The following SOX6 variants were observed in gnomAD, a reference collection of about 807,000 sequenced individuals.
The protein encoded by SOX6 is SRY-box transcription factor 6, also known as transcription factor SOX-6.
In SOX6, 11 loss-of-function variants were observed where a neutral mutation model predicts 97.8. The ratio of observed to expected loss-of-function variants is 0.11; its 90% CI spans 0.07 to 0.19. The LOEUF (loss-of-function observed/expected upper bound fraction) is 0.19. SOX6 is among the 10% of genes least tolerant of loss of function. The probability of loss-of-function intolerance (pLI) is 1.00; values close to 1 mark genes in which losing one functional copy is unlikely to be tolerated. For missense variants in SOX6, 810 were observed against 1,039.5 expected (o/e 0.78, Z 3.04); for synonymous variants, 360 against 371.4 (o/e 0.97, Z 0.35).
At chr11:16,155,949 C>A (rs1336671468) in intron 6 of SOX6, among the ~76,000 whole-genome samples, 3 of 151,962 alleles carry the variant, frequency 2.0e-5, no homozygotes, top group African/African-American at 7.2e-5. Context: ...TCTTTAAGAC[C>A]AAAGTTCCAG....
chr11:16,246,500 T>C (rs1853339268), intron 3 of SOX6, among the ~76,000 whole-genome samples: 1 of 151,956 alleles, frequency 6.6e-6, no homozygotes, highest in Non-Finnish European at 1.5e-5. Context: ...CAGATGTGAA[T>C]ATTTTTTCTA....
intron 1 of SOX6, among the ~76,000 whole-genome samples, chr11:16,386,907 G>T (rs1051348397): frequency 6.6e-6 from 1 of 151,982 alleles, no homozygotes; most frequent in Non-Finnish European, 1.5e-5. Context: ...ATATATACTT[G>T]GTACTCAATG....
intron 1 of SOX6, among the ~76,000 whole-genome samples, chr11:16,453,872 ATTAC>A (rs1859765053): frequency 6.6e-6 from 1 of 152,282 alleles, no homozygotes; most frequent in Admixed American, 6.5e-5. Flanking sequence ...CATTGCTGAA[ATTAC>A]TTACCGCCTC....
intron 10 of SOX6, among the ~76,000 whole-genome samples, chr11:16,055,384 T>A (rs1847788655): frequency 6.6e-6 from 1 of 152,130 alleles, no homozygotes; most frequent in South Asian, 2.1e-4. Context: ...TCTGGTCCTA[T>A]AAGTTAACTC....
chr11:16,204,817 A>C (rs771909726), intron 4 of SOX6, among the ~76,000 whole-genome samples: 3 of 152,162 alleles, frequency 2.0e-5, no homozygotes, highest in Non-Finnish European at 2.9e-5. Context: ...TTTGACAAAT[A>C]AGAAAGCTGA....
At chr11:16,006,842 G>A (rs924529741) in intron 13 of SOX6, among the ~76,000 whole-genome samples, 2 of 151,986 alleles carry the variant, frequency 1.3e-5, no homozygotes, top group African/African-American at 4.8e-5. Context: ...ATAACAGTAT[G>A]GTGTTATGAG....
rs1451899878 is a variant in SOX6, at chr11:16,132,505, A to AAAGAAAGCAAGCAAGC, written c.778-20583_778-20582insGCTTGCTTGCTTTCTT. 5.9e-3 allele frequency among the ~76,000 whole-genome samples: 511 copies of AAAGAAAGCAAGCAAGC among 86,172 alleles called. 59 individuals carry two copies. The highest frequency in any genetic ancestry group is 8.9e-3 in the Non-Finnish European group (343 of 38,462). The allele number at this position is 86,172 out of a possible 152,430, so 56.5% of individuals were successfully genotyped here. A position where few individuals can be genotyped will look rare whatever the true frequency, so the allele number is the denominator to read the frequency against. Reference sequence around the variant, plus strand: ...GAAAGAAAGAAAGAAAGAAAGAAAGAAAGCTTATCTTTGTATCTAGGAAGA... The same window carrying AAAGAAAGCAAGCAAGC: ...GAAAGAAAGAAAGAAAGAAAGAAAGAAAGAAAGCAAGCAAGCAAGCTTATCTTTGTATCTAGGAAGA... On this transcript the variant is annotated intron_variant, in intron 6 of 15. Coordinates refer to ENST00000683767, the MANE Select transcript of SOX6 (RefSeq NM_001367873.1).
intron 3 of SOX6, among the ~76,000 whole-genome samples, chr11:16,649,156 C>A (rs1002589604): frequency 3.3e-5 from 5 of 152,066 alleles, no homozygotes; most frequent in African/African-American, 1.2e-4. Context: ...ATTGGTATTC[C>A]TGGAGAAGAA....
At chr11:16,660,412 T>C (rs1847757558) in intron 3 of SOX6, among the ~76,000 whole-genome samples, 1 of 152,196 alleles carries the variant, frequency 6.6e-6, no homozygotes, top group Non-Finnish European at 1.5e-5. Context: ...TTTTCCACTA[T>C]CTGTTATTTA....
chr11:16,188,072 T>G (rs1851530460), intron 4 of SOX6, among the ~76,000 whole-genome samples: 1 of 151,876 alleles, frequency 6.6e-6, no homozygotes, highest in Non-Finnish European at 1.5e-5. Context: ...TAATTATGAG[T>G]GGCCTTATTT....
At chr11:16,701,542 C>T (rs908553573) in intron 3 of SOX6, among the ~76,000 whole-genome samples, 1 of 151,966 alleles carries the variant, frequency 6.6e-6, no homozygotes, top group Non-Finnish European at 1.5e-5. Flanking sequence ...ATAAAAATTT[C>T]TCATTTCTTT....
intron 7 of SOX6, among the ~76,000 whole-genome samples, chr11:16,098,995 A>G (rs1848871898): frequency 6.6e-6 from 1 of 151,778 alleles, no homozygotes; most frequent in Middle Eastern, 3.4e-3. Context: ...ACTTTTAACA[A>G]ATTGTTAGCT....
Position 16,242,297 on chromosome 11 carries a change from C to T in SOX6, c.446-7626G>A, listed in dbSNP as rs1006696883. On this transcript the variant is annotated intron_variant, in intron 3 of 15. Transcript: ENST00000683767. Reference sequence around the variant, plus strand: ...CTACAGTGTTTAGTACAGTAACATGCTGCACAGGTTTGTAGCCTAAGATCA... The same window carrying T: ...CTACAGTGTTTAGTACAGTAACATGTTGCACAGGTTTGTAGCCTAAGATCA... Among the ~76,000 whole-genome samples, 93 of 151,958 alleles carry T rather than the reference C, an allele frequency of 6.1e-4. 3 individuals are homozygous for T.
Position 16,014,985 on chromosome 11 carries a change from C to T in SOX6, c.1689G>A (p.Leu563=). ...LTGKSNEDGK[L]GPGVIDLTRP... ...GAGTAAGGTCGATGACACCTGGGCC[C>T]AGTTTTCCATCTTCATTTGACTTTC... The change falls in exon 13 of 16, where the codon CTG becomes CTA. Residue 563 remains leucine, a synonymous_variant. Transcript: ENST00000683767. 6.2e-7 allele frequency: 1 copy of T among 1,612,928 alleles called. No homozygotes were observed. Among genetic ancestry groups the T allele is most frequent in the Non-Finnish European group, 8.5e-7 (1 of 1,179,348 alleles).
At chr11:16,022,809 T>C (rs1855107360) in intron 12 of SOX6, among the ~76,000 whole-genome samples, 3 of 152,186 alleles carry the variant, frequency 2.0e-5, no homozygotes, top group African/African-American at 7.2e-5. Flanking sequence ...TATTCACTAC[T>C]TTTAAGCACT....
At chr11:16,234,522 T>C in intron 4 of SOX6, 60 bp downstream of exon 4, 2 of 995,284 alleles carry the variant, frequency 2.0e-6, no homozygotes, top group South Asian at 2.8e-5. Context: ...GCAAATACAT[T>C]GTTATACAAA....
chr11:16,640,661 T>G (rs1461497052), intron 3 of SOX6, among the ~76,000 whole-genome samples: 1 of 152,174 alleles, frequency 6.6e-6, no homozygotes, highest in African/African-American at 2.4e-5. Context: ...GTCGAGGAAT[T>G]TATCCATTTC....
At chr11:16,461,988 C>G (rs1183725965) in intron 1 of SOX6, among the ~76,000 whole-genome samples, 1 of 152,222 alleles carries the variant, frequency 6.6e-6, no homozygotes, top group Non-Finnish European at 1.5e-5. Flanking sequence ...AATGCAGCAT[C>G]TAATGCTGTG....
intron 4 of SOX6, among the ~76,000 whole-genome samples, chr11:16,513,658 A>G (rs1331590544): frequency 1.3e-5 from 2 of 151,950 alleles, no homozygotes; most frequent in Admixed American, 1.3e-4. Flanking sequence ...AAACAAACAA[A>G]CCAGCAAACG....
Sources: allele counts gnomAD v4.1 joint callset (sites outside exome capture counted in the v4.1 genomes callset), GRCh38; gene constraint gnomAD v4.1.1; transcripts MANE v1.5; gene names NCBI Gene and HGNC (gene_info 2026-07-23, HGNC 2026-07-21).